Variants in ELMO1 observed in about 807,000 individuals in gnomAD.
ELMO1 encodes the protein engulfment and cell motility 1, also known as engulfment and cell motility protein 1.
ELMO1 carries 26 observed loss-of-function variants against 98.9 expected under a neutral mutation model. That is an observed-to-expected ratio of 0.26 (90% CI 0.19 to 0.36). ELMO1 has a LOEUF of 0.36. ELMO1 is among the 10% of genes least tolerant of loss of function. ELMO1 has a pLI of 1.00. For missense variants in ELMO1, 627 were observed against 935.2 expected (o/e 0.67, Z 4.30); for synonymous variants, 346 against 346.0 (o/e 1.00, Z 0.00).
At chr7:37,076,909 G>C (rs1440647400) in intron 15 of ELMO1, among the ~76,000 whole-genome samples, 1 of 152,228 alleles carries the variant, frequency 6.6e-6, no homozygotes, top group East Asian at 1.9e-4. Context: ...GCGGCTAAGA[G>C]CCTTCCCATT....
intron 1 of ELMO1, among the ~76,000 whole-genome samples, chr7:37,392,384 C>A (rs1201718274): frequency 6.6e-6 from 1 of 152,224 alleles, no homozygotes; most frequent in Non-Finnish European, 1.5e-5. Context: ...AACACAAGAT[C>A]CCAGATCTGC....
At chr7:37,133,337 G>A (rs1371702399) in intron 13 of ELMO1, 103 bp from the exon 14 acceptor site, 1 of 780,656 alleles carries the variant, frequency 1.3e-6, no homozygotes, top group Non-Finnish European at 2.0e-6. Context: ...TACAAGGTAA[G>A]GTCCAAATAA....
At chr7:37,420,030 G>A (rs1420759518) in intron 1 of ELMO1, among the ~76,000 whole-genome samples, 1 of 152,146 alleles carries the variant, frequency 6.6e-6, no homozygotes, top group African/African-American at 2.4e-5. Flanking sequence ...ACCGGTCTTT[G>A]GAGAAGGAGG....
intron 1 of ELMO1, among the ~76,000 whole-genome samples, chr7:37,417,847 C>A (rs1034904630): frequency 6.6e-6 from 1 of 152,100 alleles, no homozygotes; most frequent in Non-Finnish European, 1.5e-5. Context: ...GTCTCAAAAA[C>A]AAAAGAGGAA....
chr7:36,951,879 CA>C, intron 16 of ELMO1, among the ~76,000 whole-genome samples: 2 of 152,322 alleles, frequency 1.3e-5, no homozygotes, highest in Admixed American at 1.3e-4. Flanking sequence ...GTGACTGCTG[CA>C]GAGCCTGGCA....
intron 13 of ELMO1, among the ~76,000 whole-genome samples, chr7:37,167,317 T>G (rs1324139784): frequency 2.0e-5 from 3 of 152,224 alleles, no homozygotes; most frequent in African/African-American, 4.8e-5. Flanking sequence ...GTCATTTAAT[T>G]GAAGCATTTC....
intron 13 of ELMO1, among the ~76,000 whole-genome samples, chr7:37,164,708 G>C (rs1315936624): frequency 2.0e-5 from 3 of 149,572 alleles, no homozygotes; most frequent in East Asian, 2.0e-4. Flanking sequence ...TCTCTGTTTT[G>C]GTACCAGTAC....
At chr7:37,094,077 C>T (rs1312079798) in intron 15 of ELMO1, among the ~76,000 whole-genome samples, 1 of 152,200 alleles carries the variant, frequency 6.6e-6, no homozygotes, top group Non-Finnish European at 1.5e-5. Flanking sequence ...TTTGTACCTG[C>T]AGTGTCCCTC....
At chr7:36,918,423 G>A (rs1784876277) in intron 16 of ELMO1, among the ~76,000 whole-genome samples, 1 of 152,138 alleles carries the variant, frequency 6.6e-6, no homozygotes, top group South Asian at 2.1e-4. Flanking sequence ...AAGAGAATGA[G>A]GTAAGAAGAG....
intron 15 of ELMO1, 95 bp downstream of exon 15, chr7:37,096,524 C>A: frequency 9.9e-7 from 1 of 1,013,290 alleles, no homozygotes; most frequent in South Asian, 1.3e-5. Context: ...AAGAAGCTGT[C>A]GGCATCTTGG....
Position 37,206,715 on chromosome 7 carries a change from C to G in ELMO1, c.1086+4671G>C, listed in dbSNP as rs142722028. Among the ~76,000 whole-genome samples the G allele has an allele frequency of 7.8e-3, 1,182 of 152,246 alleles. 15 individuals are homozygous for G. The highest frequency in any genetic ancestry group is 0.028 in the African/African-American group (1,143 of 41,542). ...TTTTCACCATTACCCATAACCTCTT[C>G]CACCTTCACATTTTAGTCATTTTTC... is the stretch of plus-strand genomic sequence containing the variant. On this transcript the variant is annotated intron_variant, in intron 13 of 21. Coordinates refer to ENST00000310758, the MANE Select transcript of ELMO1 (RefSeq NM_014800.11).
intron 16 of ELMO1, among the ~76,000 whole-genome samples, chr7:36,992,069 T>G (rs891669473): frequency 2.6e-4 from 39 of 152,180 alleles, no homozygotes; most frequent in Non-Finnish European, 4.4e-4. Flanking sequence ...TAATATGAAT[T>G]TTATTTCCCT....
intron 6 of ELMO1, among the ~76,000 whole-genome samples, chr7:37,255,865 TC>T (rs2130776127): frequency 6.7e-6 from 1 of 149,150 alleles, no homozygotes; most frequent in African/African-American, 2.4e-5. Flanking sequence ...CGAGGCAGCC[TC>T]CCCCAGGCCC....
intron 12 of ELMO1, among the ~76,000 whole-genome samples, chr7:37,212,606 T>A (rs1185696598): frequency 1.3e-5 from 2 of 152,208 alleles, no homozygotes; most frequent in African/African-American, 2.4e-5. Flanking sequence ...CGTATGGCCT[T>A]GCTCCATGAA....
intron 13 of ELMO1, among the ~76,000 whole-genome samples, chr7:37,157,315 G>C (rs923128023): frequency 1.3e-5 from 2 of 152,170 alleles, no homozygotes; most frequent in African/African-American, 4.8e-5. Context: ...GTTCTGGCCA[G>C]GGCAATCAGG....
intron 13 of ELMO1, among the ~76,000 whole-genome samples, chr7:37,162,042 G>C (rs1333860247): frequency 6.7e-6 from 1 of 148,416 alleles, no homozygotes; most frequent in Admixed American, 6.8e-5. Flanking sequence ...AGAAAAATGG[G>C]ATTAATGGAA....
chr7:37,213,037 A>G (rs1045546067), intron 12 of ELMO1, among the ~76,000 whole-genome samples: 8 of 152,206 alleles, frequency 5.3e-5, no homozygotes, highest in African/African-American at 1.4e-4. Flanking sequence ...AGCTACTACT[A>G]TTAAATGTTA....
intron 19 of ELMO1, among the ~76,000 whole-genome samples, chr7:36,875,274 T>G (rs547092511): frequency 6.6e-6 from 1 of 152,086 alleles, no homozygotes; most frequent in South Asian, 2.1e-4. Context: ...GGCTTTTTTT[T>G]TGTCTCAGGC....
At chr7:37,018,500 G>T (rs1794081447) in intron 15 of ELMO1, among the ~76,000 whole-genome samples, 1 of 150,642 alleles carries the variant, frequency 6.6e-6, no homozygotes, top group South Asian at 2.1e-4. Context: ...TTTTTTTTAT[G>T]AAGTCTTGTT....
Sources: gnomAD v4.1 joint callset for allele counts (sites outside exome capture counted in the v4.1 genomes callset) on GRCh38, gnomAD v4.1.1 for gene constraint, MANE v1.5 for transcripts, NCBI Gene and HGNC (gene_info 2026-07-23, HGNC 2026-07-21) for gene names.